Variants in G2E3 observed in about 807,000 individuals in gnomAD.
G2E3 encodes G2/M-phase specific E3 ubiquitin protein ligase.
In G2E3, 35 loss-of-function variants were observed where a neutral mutation model predicts 92.8. The ratio of observed to expected loss-of-function variants is 0.38; its 90% CI spans 0.29 to 0.50. The LOEUF is 0.50. Ranked by LOEUF, G2E3 falls within the 20% of genes least tolerant of loss-of-function variation. The pLI is 0.94. For missense variants in G2E3, 554 were observed against 823.8 expected, an observed-to-expected ratio of 0.67 and a Z score of 4.01; for synonymous variants, 242 against 272.4, an observed-to-expected ratio of 0.89 and a Z score of 1.10.
chr14:30,561,231 G>T (rs957870348), intron 1 of G2E3, among the ~76,000 whole-genome samples: 1 of 152,168 alleles, frequency 6.6e-6, no homozygotes, highest in Non-Finnish European at 1.5e-5. Context: ...CTTCAAATAA[G>T]AAAACAGGCT....
intron 8 of G2E3, among the ~76,000 whole-genome samples, chr14:30,599,196 A>C (rs1408074344): frequency 1.3e-5 from 2 of 151,150 alleles, no homozygotes; most frequent in Non-Finnish European, 2.9e-5. Flanking sequence ...GGGCCCACCT[A>C]TCTGACCTTA....
rs778321339 is a variant in G2E3, at chr14:30,598,563, G to A, written c.716G>A (p.Arg239His). ...HYERCDVRRC[R>H]CKEGRDYNAP... Reference sequence around the variant, plus strand: ...GAGCGTTGTGATGTTCGAAGATGTCGTTGCAAAGAAGGGCGAGACTATAAT... The same window carrying A: ...GAGCGTTGTGATGTTCGAAGATGTCATTGCAAAGAAGGGCGAGACTATAAT... The change falls in exon 8 of 15, where the codon CGT (arginine) becomes CAT (histidine). Residue 239 changes from arginine (R) to histidine (H), a missense_variant. By Grantham distance (29) the Arg-to-His change is conservative. Around this residue, in one of 3 missense-constraint regions of G2E3, gnomAD observed 397 missense variants for 560.3 expected, o/e 0.71. Coordinates refer to ENST00000206595, the MANE Select transcript of G2E3 (RefSeq NM_017769.5). 8.7e-6 allele frequency: 14 copies of A among 1,613,118 alleles called. No homozygotes were observed. The highest frequency in any genetic ancestry group is 5.3e-5 in the African/African-American group (4 of 74,894).
intron 12 of G2E3, chr14:30,611,312 T>G (rs909323490): frequency 6.6e-6 from 1 of 152,202 alleles, no homozygotes; most frequent in Non-Finnish European, 1.5e-5. Context: ...GATAGTATTT[T>G]GAGCAGAATA....
intron 1 of G2E3, among the ~76,000 whole-genome samples, chr14:30,575,111 G>A (rs1337462734): frequency 6.6e-6 from 1 of 152,086 alleles, no homozygotes; most frequent in Non-Finnish European, 1.5e-5. Flanking sequence ...TGTGATAATA[G>A]CCATTCTGAC....
intron 8 of G2E3, 86 bp downstream of exon 8, chr14:30,598,685 G>C (rs1881410770): frequency 3.4e-6 from 3 of 878,364 alleles, no homozygotes; most frequent in Non-Finnish European, 5.9e-6. Flanking sequence ...GTGAAACGTA[G>C]TTTTTCTCTT....
intron 12 of G2E3, among the ~76,000 whole-genome samples, chr14:30,610,684 C>T (rs229237): frequency 0.49 from 74,201 of 152,068 alleles, 21,097 homozygotes; most frequent in African/African-American, 0.79. Flanking sequence ...GGAGTATATA[C>T]AAGTTAGGTT....
intron 1 of G2E3, among the ~76,000 whole-genome samples, chr14:30,579,699 A>T (rs1322552729): frequency 6.6e-6 from 1 of 152,146 alleles, no homozygotes; most frequent in Non-Finnish European, 1.5e-5. Context: ...CCATGGTGTA[A>T]CCTGCAGTCA....
chr14:30,581,256 A>G (rs1250746794), intron 2 of G2E3, 140 bp downstream of exon 2: 3 of 552,000 alleles, frequency 5.4e-6, no homozygotes, highest in Non-Finnish European at 9.8e-6. Context: ...TATTGCATAT[A>G]TTTATTTCAA....
At chr14:30,598,961 A>C (rs1396632913) in intron 8 of G2E3, among the ~76,000 whole-genome samples, 2 of 152,196 alleles carry the variant, frequency 1.3e-5, no homozygotes, top group African/African-American at 4.8e-5. Flanking sequence ...CATTAACAAA[A>C]TGCCACAGAC....
intron 2 of G2E3, among the ~76,000 whole-genome samples, chr14:30,582,509 G>T (rs1880488512): frequency 6.6e-6 from 1 of 152,150 alleles, no homozygotes; most frequent in Admixed American, 6.5e-5. Flanking sequence ...TCCATCCAGG[G>T]TTCATGGCAA....
intron 2 of G2E3, among the ~76,000 whole-genome samples, chr14:30,582,143 A>G (rs1438899949): frequency 1.3e-5 from 2 of 152,222 alleles, no homozygotes; most frequent in Non-Finnish European, 2.9e-5. Flanking sequence ...TGCATTTGCC[A>G]AATGCAAATA....
At chr14:30,583,103 G>C (rs777765795) in intron 2 of G2E3, among the ~76,000 whole-genome samples, 17 of 152,172 alleles carry the variant, frequency 1.1e-4, no homozygotes, top group Non-Finnish European at 2.2e-4. Context: ...CAGTTAGGGA[G>C]TTTCTGCGGT....
chr14:30,596,289 C>G (rs911920663), intron 6 of G2E3, among the ~76,000 whole-genome samples: 2 of 151,898 alleles, frequency 1.3e-5, no homozygotes, highest in Non-Finnish European at 2.9e-5. Flanking sequence ...TATTGTAATC[C>G]TACTCTCACT....
chr14:30,580,378 G>T lies in G2E3; in HGVS notation c.-4-698G>T, dbSNP rs374249716. 2.6e-3 allele frequency among the ~76,000 whole-genome samples: 390 copies of T among 152,076 alleles called. 3 individuals are homozygous for T. The highest frequency in any genetic ancestry group is 8.9e-3 in the African/African-American group (369 of 41,498). On this transcript the variant is annotated intron_variant, in intron 1 of 14. Coordinates refer to ENST00000206595, the MANE Select transcript of G2E3 (RefSeq NM_017769.5). The stretch of plus-strand genomic sequence containing the variant: ...TGCACCACCACGCCCTGCTAACTTT[G>T]TATTTTTGGTAGAAACAGGGTTTCA...
At chr14:30,566,063 GT>G (rs1442888622) in intron 1 of G2E3, among the ~76,000 whole-genome samples, 1 of 152,136 alleles carries the variant, frequency 6.6e-6, no homozygotes, top group African/African-American at 2.4e-5. Flanking sequence ...TTGAAAATTA[GT>G]TTACTATAAA....
Position 30,566,532 on chromosome 14 carries a change from G to T in G2E3, c.-5+7260G>T, listed in dbSNP as rs114126634. Among the ~76,000 whole-genome samples, 760 of 152,086 alleles carry T rather than the reference G, an allele frequency of 5.0e-3. 7 individuals carry two copies. The highest frequency in any genetic ancestry group is 0.017 in the African/African-American group (705 of 41,516). On this transcript the variant is annotated intron_variant, in intron 1 of 14. Coordinates refer to ENST00000206595, the MANE Select transcript of G2E3 (RefSeq NM_017769.5). ...AATTGTTTACTTAATTTCCTTTTTG[G>T]ATTGTTCATTGTTATATAGAAATAC...
chr14:30,568,827 T>A (rs1317423181), intron 1 of G2E3, among the ~76,000 whole-genome samples: 1 of 152,210 alleles, frequency 6.6e-6, no homozygotes, highest in Non-Finnish European at 1.5e-5. Flanking sequence ...AAAAAGAGAA[T>A]TACCAAAAGT....
chr14:30,593,397 A>G (rs1340362475), intron 5 of G2E3, 77 bp from the exon 6 acceptor site: 2 of 669,062 alleles, frequency 3.0e-6, no homozygotes, highest in Non-Finnish European at 5.1e-6. Flanking sequence ...ATTTCATTTT[A>G]TATATGTGAA....
rs147737745 is a variant in G2E3 at position 30,602,082 on chromosome 14, C to A, written c.961C>A (p.Pro321Thr). 5.7e-4 allele frequency: 923 copies of A among 1,610,904 alleles called. No individual in the cohort carries two copies. Among genetic ancestry groups the A allele is most frequent in the Non-Finnish European group, 7.3e-4 (857 of 1,177,308 alleles). Residue 321 changes from proline to threonine, a missense_variant, in exon 10 of 15, where the codon CCT becomes ACT. Pro to Thr is a conservative substitution (Grantham distance 38, BLOSUM62 -1). Around this residue, in one of 3 missense-constraint regions of G2E3, gnomAD observed 397 missense variants for 560.3 expected, o/e 0.71. Coordinates refer to ENST00000206595, the MANE Select transcript of G2E3 (RefSeq NM_017769.5). ...ITDCLLEESS[P>T]KLPRQSPGSQ... is the part of the protein sequence containing the mutation. ...AGATTGTTTGTTGGAAGAGTCATCA[C>A]CTAAATTACCCAGACAGTCACCTGG...
Sources: allele counts gnomAD v4.1 joint callset (sites outside exome capture counted in the v4.1 genomes callset), GRCh38; gene constraint gnomAD v4.1.1; regional missense constraint gnomAD v4.1.1; transcripts MANE v1.5; gene names NCBI Gene and HGNC (gene_info 2026-07-23, HGNC 2026-07-21).